Variants in CFAP299 observed in about 807,000 individuals in gnomAD.
The protein encoded by CFAP299 is cilia- and flagella-associated protein 299.
A neutral mutation model predicts 27.0 loss-of-function variants in CFAP299; 21 were observed. The ratio of observed to expected loss-of-function variants is 0.78; its 90% CI spans 0.55 to 1.12. The LOEUF (loss-of-function observed/expected upper bound fraction) is 1.12. Ranked by LOEUF, CFAP299 falls within the 50% of genes most tolerant of loss-of-function variation. The pLI is 0.00. For synonymous variants in CFAP299, 104 were observed against 98.1 expected, an observed-to-expected ratio of 1.06 and a Z score of -0.36; for missense variants, 310 against 276.6, an observed-to-expected ratio of 1.12 and a Z score of -0.86.
intron 2 of CFAP299, among the ~76,000 whole-genome samples, chr4:80,463,543 G>T (rs1017250613): frequency 6.6e-6 from 1 of 152,098 alleles, no homozygotes; most frequent in African/African-American, 2.4e-5. Context: ...TTTTTATACA[G>T]TTCTGGTGCA....
chr4:80,538,704 G>A (rs769776578), intron 2 of CFAP299, among the ~76,000 whole-genome samples: 13 of 152,172 alleles, frequency 8.5e-5, no homozygotes, highest in Admixed American at 3.9e-4. Context: ...AGGAGAAACA[G>A]GCTATACCCT....
At chr4:80,916,045 T>G (rs993669119) in intron 4 of CFAP299, among the ~76,000 whole-genome samples, 3 of 151,198 alleles carry the variant, frequency 2.0e-5, no homozygotes, top group Admixed American at 6.6e-5. Flanking sequence ...GTGGAACACA[T>G]GAGGTCAGGT....
rs180728397 is a variant in CFAP299 at position 80,554,830 on chromosome 4, G to A, written c.243-28263G>A. The stretch of plus-strand genomic sequence containing the variant: ...GTTGTTGGTGTAAAGGGATGCTAGT[G>A]ATTTTTGTACATTGATTTTGTATCC... On this transcript the variant is annotated intron_variant, in intron 2 of 5. Coordinates refer to ENST00000358105, the MANE Select transcript of CFAP299 (RefSeq NM_152770.3). Among the ~76,000 whole-genome samples, 771 of 152,180 alleles carry A rather than the reference G, an allele frequency of 5.1e-3. 5 individuals carry two copies. Among genetic ancestry groups the A allele is most frequent in the Middle Eastern group, 0.02 (6 of 294 alleles).
chr4:80,655,745 A>G (rs186576262), intron 3 of CFAP299, among the ~76,000 whole-genome samples: 4 of 152,284 alleles, frequency 2.6e-5, no homozygotes, highest in East Asian at 3.9e-4. Context: ...TGAAATTGCA[A>G]TTGTAATTAT....
chr4:80,796,542 G>A (rs776372495), intron 3 of CFAP299, among the ~76,000 whole-genome samples: 15 of 152,190 alleles, frequency 9.9e-5, no homozygotes, highest in Non-Finnish European at 1.6e-4. Context: ...AACTGAAGGC[G>A]AATTGCTTCT....
At chr4:80,910,692 G>GA (rs966725297) in intron 4 of CFAP299, among the ~76,000 whole-genome samples, 28 of 151,868 alleles carry the variant, frequency 1.8e-4, no homozygotes, top group Admixed American at 1.7e-3. Context: ...GGTGGAAGCA[G>GA]AAAAAAATGA....
intron 2 of CFAP299, among the ~76,000 whole-genome samples, chr4:80,552,006 C>T (rs1258580360): frequency 6.6e-6 from 1 of 152,188 alleles, no homozygotes; most frequent in African/African-American, 2.4e-5. Context: ...GCCTTGTCCT[C>T]CCAAAGTGCT....
chr4:80,384,648 A>G (rs1235632331), intron 2 of CFAP299, among the ~76,000 whole-genome samples: 2 of 152,152 alleles, frequency 1.3e-5, no homozygotes, highest in East Asian at 3.8e-4. Context: ...TGCATGACTT[A>G]GAGGTAAATT....
chr4:80,370,588 C>T (rs768998717), intron 2 of CFAP299, among the ~76,000 whole-genome samples: 7 of 152,300 alleles, frequency 4.6e-5, no homozygotes, highest in South Asian at 2.1e-4. Context: ...AGGGAGAAAT[C>T]GGCCAAAAGA....
chr4:80,347,334 G>A (rs1301352656), intron 1 of CFAP299, among the ~76,000 whole-genome samples: 1 of 152,004 alleles, frequency 6.6e-6, no homozygotes, highest in Non-Finnish European at 1.5e-5. Context: ...GTGAGAGAAG[G>A]CATCCGTGTC....
chr4:80,765,635 T>C (rs1185690374), intron 3 of CFAP299, among the ~76,000 whole-genome samples: 4 of 152,000 alleles, frequency 2.6e-5, no homozygotes, highest in Non-Finnish European at 4.4e-5. Flanking sequence ...TTATTATACT[T>C]TAAGTTTCAG....
chr4:80,899,733 T>C (rs1270765095), intron 4 of CFAP299, among the ~76,000 whole-genome samples: 1 of 152,204 alleles, frequency 6.6e-6, no homozygotes, highest in Admixed American at 6.5e-5. Context: ...AACTCTGGCA[T>C]CAGTCAGCTT....
At chr4:80,324,080 T>A in the CFAP299 span, among the ~76,000 whole-genome samples, 4 of 152,164 alleles carry the variant, frequency 2.6e-5, no homozygotes, top group Non-Finnish European at 5.9e-5. Context: ...CAACCCGTCA[T>A]CTAGGTTTTA....
intron 3 of CFAP299, among the ~76,000 whole-genome samples, chr4:80,672,686 T>G (rs1741567036): frequency 6.6e-6 from 1 of 152,186 alleles, no homozygotes; most frequent in Admixed American, 6.5e-5. Flanking sequence ...TCAGAGCCTG[T>G]TATTGGTCTA....
intron 3 of CFAP299, among the ~76,000 whole-genome samples, chr4:80,829,884 C>CA (rs963901056): frequency 1.3e-5 from 2 of 151,962 alleles, no homozygotes; most frequent in Admixed American, 6.6e-5. Flanking sequence ...TAGTAAAACT[C>CA]AGACAGAAAG....
At chr4:80,344,924 T>G (rs949272290) in intron 1 of CFAP299, among the ~76,000 whole-genome samples, 3 of 152,176 alleles carry the variant, frequency 2.0e-5, no homozygotes, top group African/African-American at 7.2e-5. Flanking sequence ...AGAAAAGACC[T>G]TCAATAAAAT....
intron 3 of CFAP299, among the ~76,000 whole-genome samples, chr4:80,780,870 A>AT (rs201473159): frequency 1.3e-5 from 2 of 151,840 alleles, no homozygotes; most frequent in African/African-American, 4.8e-5. Context: ...GGATAAGTTG[A>AT]TTTTTTTCTA....
intron 2 of CFAP299, among the ~76,000 whole-genome samples, chr4:80,573,429 G>A (rs186152861): frequency 5.3e-5 from 8 of 152,176 alleles, no homozygotes; most frequent in African/African-American, 1.9e-4. Flanking sequence ...TTACTTTGTT[G>A]ATTGTTTTGT....
At chr4:80,681,385 G>A (rs1316367125) in intron 3 of CFAP299, among the ~76,000 whole-genome samples, 1 of 151,838 alleles carries the variant, frequency 6.6e-6, no homozygotes, top group Non-Finnish European at 1.5e-5. Flanking sequence ...AAAGGAATGA[G>A]TCAGGTACAC....
Sources: allele counts gnomAD v4.1 joint callset (sites outside exome capture counted in the v4.1 genomes callset), GRCh38; gene constraint gnomAD v4.1.1; transcripts MANE v1.5; gene names NCBI Gene and HGNC (gene_info 2026-07-23, HGNC 2026-07-21).